ATP6V0A1: variants seen among roughly 807,000 people sequenced by gnomAD.
ATP6V0A1 encodes V-type proton ATPase 116 kDa subunit a 1.
ATP6V0A1 carries 43 observed loss-of-function variants against 105.4 expected under a neutral mutation model. The ratio of observed to expected loss-of-function variants is 0.41; its 90% CI spans 0.32 to 0.53. The LOEUF is 0.53. Ranked by LOEUF, ATP6V0A1 falls within the 20% of genes least tolerant of loss-of-function variation. The pLI is 0.30. For missense variants in ATP6V0A1, 676 were observed against 1,051.1 expected, an observed-to-expected ratio of 0.64 and a Z score of 4.93; for synonymous variants, 362 against 372.8, an observed-to-expected ratio of 0.97 and a Z score of 0.33.
intron 4 of ATP6V0A1, among the ~76,000 whole-genome samples, chr17:42,469,885 AC>A (rs2087656053): frequency 6.6e-6 from 1 of 151,982 alleles, no homozygotes; most frequent in Non-Finnish European, 1.5e-5. Flanking sequence ...CAAGTGATCC[AC>A]CCGCCTCGGC....
In ATP6V0A1 at chr17:42,463,213, C is replaced by G. The variant is rs113407718; in HGVS notation, c.117+2202C>G. 9.3e-3 allele frequency among the ~76,000 whole-genome samples: 1,395 copies of G among 149,692 alleles called. 31 individuals are homozygous for G. Among genetic ancestry groups the G allele is most frequent in the African/African-American group, 0.032 (1,322 of 40,738 alleles). ...GTAGAGATGGAGTTTCACCATGTTG[C>G]CCAGGCTGGTCTCGAACTCCTGACC... is the stretch of plus-strand genomic sequence containing the variant. On this transcript the variant is annotated intron_variant, in intron 2 of 21. Transcript: ENST00000343619.
intron 5 of ATP6V0A1, among the ~76,000 whole-genome samples, chr17:42,474,737 G>A (rs1486157601): frequency 3.9e-5 from 6 of 152,186 alleles, no homozygotes; most frequent in African/African-American, 9.7e-5. Flanking sequence ...CTTATTTTGT[G>A]TAATTTGGTG....
intron 21 of ATP6V0A1, among the ~76,000 whole-genome samples, chr17:42,514,892 CTT>C (rs2092540641): frequency 1.3e-5 from 2 of 152,186 alleles, no homozygotes; most frequent in Admixed American, 1.3e-4. Context: ...GCTTTATCCT[CTT>C]TGTTCTGTCA....
intron 17 of ATP6V0A1, among the ~76,000 whole-genome samples, chr17:42,501,752 G>A (rs968821338): frequency 5.3e-5 from 8 of 151,786 alleles, no homozygotes; most frequent in South Asian, 2.1e-4. Context: ...GTGGCCGGGC[G>A]CAGTGCCTCA....
At chr17:42,520,252 TGTG>T (rs1044610605) in intron 21 of ATP6V0A1, 5 of 355,980 alleles carry the variant, frequency 1.4e-5, no homozygotes, top group African/African-American at 1.1e-4. Context: ...CCTTATTTGG[TGTG>T]GTTTGGTTGC....
At chr17:42,520,871 G>A in intron 21 of ATP6V0A1, 156 bp from the exon 22 acceptor site, 2 of 677,444 alleles carry the variant, frequency 3.0e-6, no homozygotes, top group South Asian at 1.8e-5. Context: ...GGCCTTAAAA[G>A]TGGGATCTCT....
At chr17:42,494,911 GCT>G (rs936837241) in intron 12 of ATP6V0A1, 121 bp from the exon 13 acceptor site, 230 of 1,085,520 alleles carry the variant, frequency 2.1e-4, no homozygotes, top group Non-Finnish European at 3.0e-4. Context: ...TTTACTTCAA[GCT>G]CTCTGAATCA....
chr17:42,490,916 A>G (rs1291465554), intron 11 of ATP6V0A1, among the ~76,000 whole-genome samples: 1 of 152,076 alleles, frequency 6.6e-6, no homozygotes, highest in Non-Finnish European at 1.5e-5. Flanking sequence ...CTGTAGTGCA[A>G]TGGTGAAATC....
intron 3 of ATP6V0A1, 136 bp downstream of exon 3, chr17:42,466,643 G>A (rs2087103734): frequency 1.5e-6 from 1 of 686,124 alleles, no homozygotes; most frequent in South Asian, 2.2e-5. Flanking sequence ...ATGCCAAGGT[G>A]TATTTCTCGT....
chr17:42,493,373 A>T (rs2090849508), intron 11 of ATP6V0A1, among the ~76,000 whole-genome samples: 1 of 152,226 alleles, frequency 6.6e-6, no homozygotes, highest in Non-Finnish European at 1.5e-5. Context: ...TCACTGGGAC[A>T]TGGTTGCTGC....
At chr17:42,510,216 C>T (rs971772521) in intron 19 of ATP6V0A1, 1 of 152,360 alleles carries the variant, frequency 6.6e-6, no homozygotes, top group African/African-American at 2.4e-5. Flanking sequence ...GTCTCCTCAC[C>T]AGGTGCATTC....
At chr17:42,497,941 A>AT (rs2091336354) in intron 14 of ATP6V0A1, among the ~76,000 whole-genome samples, 1 of 147,604 alleles carries the variant, frequency 6.8e-6, no homozygotes, top group Non-Finnish European at 1.5e-5. Context: ...CAAAAAAAAA[A>AT]GAAAAAAAAA....
At chr17:42,461,770 AAACAAC>A (rs561780451) in intron 2 of ATP6V0A1, among the ~76,000 whole-genome samples, 1 of 152,026 alleles carries the variant, frequency 6.6e-6, no homozygotes, top group Non-Finnish European at 1.5e-5. Flanking sequence ...ACTCCGTCTC[AAACAAC>A]AACAACAACA....
chr17:42,521,106 A>G lies in ATP6V0A1; in HGVS notation c.2500A>G (p.Lys834Glu). ...CTCCTTCGAGCATATTCGGGAAGGG[A>G]AGTTTGAAGAGTGAGTCCCTGTGAG... ...PFSFEHIREG[K>E]FEE Residue 834 changes from lysine (K) to glutamate (E), a missense_variant, in exon 22 of 22, where the codon AAG becomes GAG. Coordinates refer to ENST00000343619, the MANE Select transcript of ATP6V0A1 (RefSeq NM_001130021.3). This position sits in a 1 kb window ranked among gnomAD's most constrained non-coding sequence, Gnocchi z 4.8. 6.8e-6 allele frequency: 11 copies of G among 1,608,998 alleles called. No individual in the cohort carries two copies. Among genetic ancestry groups the G allele is most frequent in the Non-Finnish European group, 9.3e-6 (11 of 1,177,582 alleles).
Position 42,521,180 on chromosome 17 carries a change from C to A in ATP6V0A1, c.*60C>A. 1.4e-6 allele frequency: 2 copies of A among 1,412,138 alleles called. No individual in the cohort carries two copies. Among genetic ancestry groups the A allele is most frequent in the East Asian group, 2.4e-5 (1 of 41,462 alleles). 87.5% of individuals were successfully genotyped at this position (1,412,138 alleles called of 1,614,324 possible). A position where few individuals can be genotyped will look rare whatever the true frequency, so the allele number is the denominator to read the frequency against. On this transcript the variant is annotated 3_prime_UTR_variant, in exon 22 of 22. Transcript: ENST00000343619. The surrounding 1 kb of genome is among the most constrained non-coding windows in gnomAD (Gnocchi z 4.8). ...CCCCGCCTCCCTCCACAGTGATCAG[C>A]TGTGCCTCTCTGCCTGTTGGTTGTG... is the stretch of plus-strand genomic sequence containing the variant.
chr17:42,459,770 C>CG (rs1286048497), intron 1 of ATP6V0A1, among the ~76,000 whole-genome samples: 11 of 152,142 alleles, frequency 7.2e-5, no homozygotes, highest in Non-Finnish European at 1.6e-4. Context: ...TATGTCTGAG[C>CG]TTGTGTTACT....
intron 18 of ATP6V0A1, 93 bp from the exon 19 acceptor site, chr17:42,508,479 C>T: frequency 6.5e-7 from 1 of 1,527,594 alleles, no homozygotes; most frequent in Admixed American, 1.7e-5. Context: ...CATGAACAGT[C>T]CTCCCCAAGA....
intron 17 of ATP6V0A1, among the ~76,000 whole-genome samples, chr17:42,506,963 CAT>C (rs1288225401): frequency 5.9e-5 from 9 of 152,152 alleles, no homozygotes; most frequent in Admixed American, 2.0e-4. Context: ...GTACATTAAG[CAT>C]TTTTTTCCTT....
chr17:42,471,243 A>T (rs1340088319), intron 5 of ATP6V0A1: 2 of 151,476 alleles, frequency 1.3e-5, no homozygotes, highest in Non-Finnish European at 2.9e-5. Flanking sequence ...ACACGGTGAA[A>T]CCCCGTCTCT....
Sources: allele counts gnomAD v4.1 joint callset (sites outside exome capture counted in the v4.1 genomes callset), GRCh38; gene constraint gnomAD v4.1.1; non-coding constraint Gnocchi (gnomAD v3.1); transcripts MANE v1.5; gene names NCBI Gene and HGNC (gene_info 2026-07-23, HGNC 2026-07-21).